The following CYRIB variants were observed in gnomAD, a reference collection of about 807,000 sequenced individuals.
CYRIB encodes the protein CYFIP-related Rac1 interactor B.
Under a neutral mutation model 44.2 loss-of-function variants are expected in CYRIB, and 8 were observed. The observed-to-expected ratio is 0.18, with a 90% confidence interval of 0.11 to 0.33. The LOEUF (loss-of-function observed/expected upper bound fraction) is 0.33, where lower values mean the gene tolerates loss of function less well. CYRIB is among the 10% of genes least tolerant of loss of function. The pLI is 1.00. For missense variants in CYRIB, 185 were observed against 382.8 expected (o/e 0.48, Z 4.31); for synonymous variants, 131 against 127.2 (o/e 1.03, Z -0.20).
Position 129,924,946 on chromosome 8 carries a change from G to A in CYRIB, c.-50+14662C>T, listed in dbSNP as rs2086591494. Among the ~76,000 whole-genome samples the A allele has an allele frequency of 2.0e-5, 3 of 152,152 alleles. No individual in the cohort carries two copies. The South Asian group carries it at 6.2e-4, about 31-fold the overall frequency. On this transcript the variant is annotated intron_variant, in intron 1 of 11. Coordinates refer to ENST00000519824, the Ensembl canonical transcript of CYRIB. Reference sequence around the variant, plus strand: ...TGACTGAAAGATCTTTAGTATAATCGTCAAATTTTTCTCATTTAAAGTTAG... The same window carrying A: ...TGACTGAAAGATCTTTAGTATAATCATCAAATTTTTCTCATTTAAAGTTAG...
intron 9 of CYRIB, chr8:129,849,637 A>G: frequency 3.3e-6 from 1 of 301,776 alleles, no homozygotes; most frequent in Non-Finnish European, 6.3e-6. Flanking sequence ...TGATCTCTAA[A>G]AGGTATACTA....
At chr8:129,926,666 A>G (rs1207780721) in intron 1 of CYRIB, among the ~76,000 whole-genome samples, 1 of 152,210 alleles carries the variant, frequency 6.6e-6, no homozygotes. Context: ...TAACCCCTCA[A>G]TGAAGCTGGA....
At chr8:129,983,168 G>A (rs1016121585) in intron 1 of CYRIB, among the ~76,000 whole-genome samples, 4 of 152,108 alleles carry the variant, frequency 2.6e-5, no homozygotes, top group Non-Finnish European at 5.9e-5. Flanking sequence ...AAATAAGGCC[G>A]GGCGCAGTGG....
At chr8:129,874,539 T>C (rs1158413376) in intron 3 of CYRIB, among the ~76,000 whole-genome samples, 1 of 152,124 alleles carries the variant, frequency 6.6e-6, no homozygotes, top group Non-Finnish European at 1.5e-5. Flanking sequence ...AATCTATCTC[T>C]GTAAGTTACA....
At chr8:129,945,378 C>G (rs1040572631) in intron 2 of CYRIB, among the ~76,000 whole-genome samples, 1 of 152,234 alleles carries the variant, frequency 6.6e-6, no homozygotes, top group African/African-American at 2.4e-5. Context: ...TGCTCTACAA[C>G]TTACACAAGT....
chr8:129,973,475 C>A (rs918429812), intron 1 of CYRIB, among the ~76,000 whole-genome samples: 1 of 152,222 alleles, frequency 6.6e-6, no homozygotes, highest in Non-Finnish European at 1.5e-5. Context: ...TCCCTCCCAG[C>A]CCTCAAGGCA....
At chr8:129,879,195 A>G (rs568476248) in intron 3 of CYRIB, among the ~76,000 whole-genome samples, 194 bp downstream of exon 5, 47 of 152,332 alleles carry the variant, frequency 3.1e-4, no homozygotes, top group African/African-American at 1.1e-3. Context: ...AAACTCAAAG[A>G]CATTTTATCA....
At chr8:129,841,421 G>C (rs1246895400) in exon 12 of CYRIB, 3 of 152,490 alleles carry the variant, frequency 2.0e-5, no homozygotes, top group Admixed American at 2.0e-4. Flanking sequence ...ACATACATGG[G>C]GAAAACTTCA....
chr8:129,889,949 A>G (rs2064455040), intron 2 of CYRIB, among the ~76,000 whole-genome samples: 1 of 151,944 alleles, frequency 6.6e-6, no homozygotes, highest in African/African-American at 2.4e-5. Flanking sequence ...GATTTTTTGT[A>G]TTTTAGTAGA....
rs551327178 is a variant in CYRIB, at chr8:129,868,323, C to G, written c.195+3052G>C. On this transcript the variant is annotated intron_variant, in intron 4 of 11. Coordinates refer to ENST00000519824, the Ensembl canonical transcript of CYRIB. ...ACAGTAGATTTAAATGCAGCTTTTC[C>G]GTTTTTTAGCTTACATATTTTGTAT... 2.0e-5 allele frequency among the ~76,000 whole-genome samples: 3 copies of G among 152,226 alleles called. No individual in the cohort carries two copies. The South Asian group carries it at 6.2e-4, about 32-fold the overall frequency.
intron 1 of CYRIB, among the ~76,000 whole-genome samples, chr8:129,980,621 G>T (rs1158590027): frequency 6.7e-6 from 1 of 149,878 alleles, no homozygotes; most frequent in Admixed American, 6.7e-5. Flanking sequence ...CCAAGATTGT[G>T]CCACTGCACT....
At chr8:129,840,055 G>A in exon 12 of CYRIB, 1 of 155,890 alleles carries the variant, frequency 6.4e-6, no homozygotes. Context: ...AGAAAACACA[G>A]CCACAAGCGC....
chr8:129,944,210 G>C (rs1394938799), upstream of CYRIB, among the ~76,000 whole-genome samples: 1 of 152,196 alleles, frequency 6.6e-6, no homozygotes, highest in Non-Finnish European at 1.5e-5. Context: ...GGAGAACAGA[G>C]GGCCAGCAAA....
intron 1 of CYRIB, among the ~76,000 whole-genome samples, chr8:129,992,015 A>T (rs965936267): frequency 1.4e-5 from 2 of 140,448 alleles, no homozygotes; most frequent in African/African-American, 5.4e-5. Flanking sequence ...GTGTGGTATG[A>T]TCCGAGTAAT....
At chr8:129,970,301 G>A (rs1172470704) in intron 2 of CYRIB, among the ~76,000 whole-genome samples, 2 of 152,130 alleles carry the variant, frequency 1.3e-5, no homozygotes, top group East Asian at 3.9e-4. Flanking sequence ...GAAAAAAGAA[G>A]TAGAAAAGGG....
At chr8:129,943,760 G>A (rs1304516911), upstream of CYRIB, among the ~76,000 whole-genome samples, 1 of 150,486 alleles carries the variant, frequency 6.6e-6, no homozygotes, top group Non-Finnish European at 1.5e-5. Context: ...CATCACGCCC[G>A]GCTAACTTTT....
chr8:129,928,324 G>GAAAAA (rs1184855913), intron 1 of CYRIB, among the ~76,000 whole-genome samples: 1 of 52,578 alleles, frequency 1.9e-5, no homozygotes, highest in African/African-American at 6.0e-5. Context: ...CATCTCTTAA[G>GAAAAA]AAAAAAAAAA....
At chr8:129,888,273 C>G (rs539414429) in intron 2 of CYRIB, among the ~76,000 whole-genome samples, 1 of 152,314 alleles carries the variant, frequency 6.6e-6, no homozygotes, top group Non-Finnish European at 1.5e-5. Flanking sequence ...CCTTCCTCTT[C>G]GCCTTCCGCC....
At chr8:129,935,787 A>G (rs565273417) in intron 1 of CYRIB, among the ~76,000 whole-genome samples, 1 of 152,264 alleles carries the variant, frequency 6.6e-6, no homozygotes, top group Non-Finnish European at 1.5e-5. Context: ...TTCAAAATGA[A>G]TAGCTACAAA....
Sources: gnomAD v4.1 joint callset for allele counts (sites outside exome capture counted in the v4.1 genomes callset) on GRCh38, gnomAD v4.1.1 for gene constraint, MANE v1.5 for transcripts, NCBI Gene and HGNC (gene_info 2026-07-23, HGNC 2026-07-21) for gene names.